FAM76B: variants seen among roughly 807,000 people sequenced by gnomAD.
FAM76B encodes protein FAM76B.
Under a neutral mutation model 51.8 loss-of-function variants are expected in FAM76B, and 16 were observed. The ratio of observed to expected loss-of-function variants is 0.31; its 90% CI spans 0.21 to 0.47. The LOEUF is 0.47. FAM76B is among the 20% of genes least tolerant of loss of function. The pLI is 1.00. For missense variants in FAM76B, 342 were observed against 392.6 expected (o/e 0.87, Z 1.09); for synonymous variants, 166 against 129.5 (o/e 1.28, Z -1.91).
In FAM76B at chr11:95,769,318, T is replaced by C. The variant is rs1412389057; in HGVS notation, c.*2243A>G. The C allele has an allele frequency of 1.3e-5, 2 of 152,178 alleles. No homozygotes were observed. The highest frequency in any genetic ancestry group is 4.8e-5 in the African/African-American group (2 of 41,360). 9.4% of individuals were successfully genotyped at this position (152,178 alleles called of 1,614,324 possible). A position where few individuals can be genotyped will look rare whatever the true frequency, so the allele number is the denominator to read the frequency against. On this transcript the variant is annotated 3_prime_UTR_variant, in exon 10 of 10. Coordinates refer to ENST00000358780, the MANE Select transcript of FAM76B (RefSeq NM_144664.5). Reference sequence around the variant, plus strand: ...CAGGACTGGGACTGAATTACTAATTTATACAATTGCAAAAAAATTTAAGTT... The same window carrying C: ...CAGGACTGGGACTGAATTACTAATTCATACAATTGCAAAAAAATTTAAGTT...
At position 95,779,505 on chromosome 11, in the gene FAM76B, G is replaced by C. The variant is rs1454717788; in HGVS notation, c.692+102C>G. 2.9e-6 allele frequency: 3 copies of C among 1,019,980 alleles called. No individual in the cohort carries two copies. The African/African-American group carries it at 5.0e-5, about 17-fold the overall frequency. The allele number at this position is 1,019,980 out of a possible 1,614,324, so 63.2% of individuals were successfully genotyped here. A position where few individuals can be genotyped will look rare whatever the true frequency, so the allele number is the denominator to read the frequency against. On this transcript the variant is annotated intron_variant, in intron 7 of 9. Coordinates refer to ENST00000358780, the MANE Select transcript of FAM76B (RefSeq NM_144664.5). ...CTTCTAGGTGACTCAAGTCAATGTA[G>C]AAAATACATGTTTCTATTTTTTTAT...
In FAM76B at chr11:95,789,535, G is replaced by A. The variant is rs1278195288; in HGVS notation, c.-57C>T. On this transcript the variant is annotated 5_prime_UTR_variant, in exon 1 of 10. Transcript: ENST00000358780. ...CCGCTCCGAGGCGGGGCCCTACGGA[G>A]AACCCGAGAGCCGCCGCCGCCCGGG... 30 of 1,506,906 alleles carry A rather than the reference G, an allele frequency of 2.0e-5. No individual in the cohort carries two copies. The highest frequency in any genetic ancestry group is 2.8e-5 in the African/African-American group (2 of 70,372). 93.3% of individuals were successfully genotyped at this position (1,506,906 alleles called of 1,614,324 possible). A position where few individuals can be genotyped will look rare whatever the true frequency, so the allele number is the denominator to read the frequency against.
At chr11:95,786,887 C>T (rs959547776) in intron 3 of FAM76B, 1 of 152,074 alleles carries the variant, frequency 6.6e-6, no homozygotes, top group Non-Finnish European at 1.5e-5. Context: ...TATAATATAC[C>T]TATAATGATT....
At chr11:95,779,851 A>G (rs770479601) in intron 6 of FAM76B, 28 bp downstream of exon 6, 1 of 1,592,206 alleles carries the variant, frequency 6.3e-7, no homozygotes, top group South Asian at 1.2e-5. Flanking sequence ...ATTTCAAAAT[A>G]CTTCAGAAAA....
Position 95,778,910 on chromosome 11 carries a change from A to G in FAM76B, c.740T>C (p.Val247Ala), listed in dbSNP as rs1426646691. Reference sequence around the variant, plus strand: ...TTCTTCTTTCAATTGACTTATAAGGACAAAATTGTCTGTTCCCCCACTATC... The same window carrying G: ...TTCTTCTTTCAATTGACTTATAAGGGCAAAATTGTCTGTTCCCCCACTATC... ...SADSGGTDNFVLISQLKEEVM... is the reference protein window; with the variant it reads ...SADSGGTDNFALISQLKEEVM... The change falls in exon 8 of 10, where the codon GTC becomes GCC. Residue 247 changes from valine to alanine, a missense_variant. Transcript: ENST00000358780. 1 of 1,610,906 alleles carries G rather than the reference A, an allele frequency of 6.2e-7. No individual in the cohort carries two copies. Among genetic ancestry groups the G allele is most frequent in the Admixed American group, 1.7e-5 (1 of 59,756 alleles).
At chr11:95,786,081 T>A in intron 4 of FAM76B, 38 bp downstream of exon 4, 1 of 1,578,928 alleles carries the variant, frequency 6.3e-7, no homozygotes, top group Non-Finnish European at 8.6e-7. Context: ...GCATTTTATT[T>A]AATTTCCAGA....
intron 8 of FAM76B, among the ~76,000 whole-genome samples, chr11:95,777,316 T>C (rs1004577212): frequency 2.0e-5 from 3 of 151,356 alleles, no homozygotes; most frequent in Non-Finnish European, 4.4e-5. Flanking sequence ...TCCCCATTAG[T>C]GTTGTGATTT....
intron 9 of FAM76B, among the ~76,000 whole-genome samples, chr11:95,773,457 C>CAAAAAA (rs1272686118): frequency 5.5e-5 from 1 of 18,020 alleles, no homozygotes. Context: ...TTGCAGCCAG[C>CAAAAAA]CAAAAAAAAA....
Position 95,779,899 on chromosome 11 carries a change from C to A in FAM76B, c.591G>T (p.Glu197Asp). The A allele has an allele frequency of 6.2e-7, 1 of 1,605,608 alleles. No individual in the cohort carries two copies. Among genetic ancestry groups the A allele is most frequent in the Non-Finnish European group, 8.5e-7 (1 of 1,176,474 alleles). ...TTTACCTCTGTTTCCACAGTCCCTG[C>A]TCTTCTTCTGGACTTAGATTGCTGA... is the stretch of plus-strand genomic sequence containing the variant. ...HKISNLSPEE[E>D]QGLWKQSHKS... Residue 197 changes from glutamate to aspartate, a missense_variant, in exon 6 of 10, where the codon GAG becomes GAT. Glu to Asp is a conservative substitution (Grantham distance 45, BLOSUM62 2). Around this residue, in one of 3 missense-constraint regions of FAM76B, gnomAD observed 230 missense variants for 257.4 expected, o/e 0.89. Coordinates refer to ENST00000358780, the MANE Select transcript of FAM76B (RefSeq NM_144664.5).
intron 9 of FAM76B, among the ~76,000 whole-genome samples, 177 bp from the exon 10 acceptor site, chr11:95,771,827 G>A (rs888756350): frequency 3.3e-5 from 5 of 151,016 alleles, no homozygotes; most frequent in Non-Finnish European, 7.4e-5. Context: ...ACATGCAGAA[G>A]GAAAATTCTA....
At chr11:95,784,382 T>A (rs541675031) in intron 4 of FAM76B, among the ~76,000 whole-genome samples, 1 of 151,960 alleles carries the variant, frequency 6.6e-6, no homozygotes, top group East Asian at 1.9e-4. Context: ...GCAACAAACC[T>A]CCATGACACA....
At position 95,789,223 on chromosome 11, in the gene FAM76B, C is replaced by G. The variant is rs1172609237; in HGVS notation, c.87+169G>C. Reference sequence around the variant, plus strand: ...CCTCCCTTTCAGGGTCCGTTCCCAGCTAATGTTCAAGCCCCCAGAAAAAGG... The same window carrying G: ...CCTCCCTTTCAGGGTCCGTTCCCAGGTAATGTTCAAGCCCCCAGAAAAAGG... On this transcript the variant is annotated intron_variant, in intron 1 of 9. Transcript: ENST00000358780. The G allele has an allele frequency of 4.2e-6, 4 of 963,556 alleles. No homozygotes were observed. The African/African-American group carries it at 5.0e-5, about 12-fold the overall frequency. The allele number at this position is 963,556 out of a possible 1,614,324, so 59.7% of individuals were successfully genotyped here.
intron 4 of FAM76B, among the ~76,000 whole-genome samples, chr11:95,784,026 T>C (rs947954346): frequency 7.2e-5 from 11 of 152,166 alleles, no homozygotes; most frequent in Non-Finnish European, 1.3e-4. Context: ...GGCAAAGACA[T>C]GGAATCAACC....
chr11:95,771,115 A>C lies in FAM76B; in HGVS notation c.*446T>G, dbSNP rs1274715774. The C allele has an allele frequency of 6.6e-6, 1 of 151,718 alleles. No individual in the cohort carries two copies. Among genetic ancestry groups the C allele is most frequent in the African/African-American group, 2.4e-5 (1 of 41,342 alleles). 9.4% of individuals were successfully genotyped at this position (151,718 alleles called of 1,614,324 possible). A position where few individuals can be genotyped will look rare whatever the true frequency, so the allele number is the denominator to read the frequency against. ...AAAGTAAAAACACAATTCCCAAAAA[A>C]CCAGTGTTCGCCATTTTTCGAGTTT... On this transcript the variant is annotated 3_prime_UTR_variant, in exon 10 of 10. Coordinates refer to ENST00000358780, the MANE Select transcript of FAM76B (RefSeq NM_144664.5).
At chr11:95,779,430 TTC>T in intron 7 of FAM76B, 175 bp downstream of exon 7, 1 of 629,742 alleles carries the variant, frequency 1.6e-6, no homozygotes, top group Non-Finnish European at 2.5e-6. Flanking sequence ...CAGTGCCACT[TTC>T]TTATTGCCAA....
At chr11:95,772,167 G>C (rs1859795050) in intron 9 of FAM76B, among the ~76,000 whole-genome samples, 1 of 150,914 alleles carries the variant, frequency 6.6e-6, no homozygotes, top group South Asian at 2.1e-4. Flanking sequence ...TTGTTACTTT[G>C]CCAAATGCAC....
intron 5 of FAM76B, among the ~76,000 whole-genome samples, chr11:95,780,916 G>A (rs1860233314): frequency 6.6e-6 from 1 of 151,654 alleles, no homozygotes; most frequent in Admixed American, 6.6e-5. Context: ...TTTACTATTG[G>A]TTCAGCTGTA....
chr11:95,789,634 G>C lies in FAM76B; in HGVS notation c.-156C>G, dbSNP rs1343635468. The C allele has an allele frequency of 3.6e-6, 2 of 561,398 alleles. No individual in the cohort carries two copies. The highest frequency in any genetic ancestry group is 6.8e-5 in the East Asian group (2 of 29,580). 34.8% of individuals were successfully genotyped at this position (561,398 alleles called of 1,614,324 possible). ...CCTCGCCGCGAGAGCCCAGGGCCCC[G>C]CGGACGACGCCACCGTCTCCCTCCG... On this transcript the variant is annotated 5_prime_UTR_variant, in exon 1 of 10. Coordinates refer to ENST00000358780, the MANE Select transcript of FAM76B (RefSeq NM_144664.5).
chr11:95,779,279 A>G (rs1860147541), intron 7 of FAM76B: 1 of 647,218 alleles, frequency 1.5e-6, no homozygotes, highest in Admixed American at 3.0e-5. Flanking sequence ...TTTTAATCTA[A>G]AAACATTTTC....
Sources: allele counts gnomAD v4.1 joint callset (sites outside exome capture counted in the v4.1 genomes callset), GRCh38; gene constraint gnomAD v4.1.1; regional missense constraint gnomAD v4.1.1; transcripts MANE v1.5; gene names NCBI Gene and HGNC (gene_info 2026-07-23, HGNC 2026-07-21).